The following IL17RA variants were observed in gnomAD, a reference collection of about 807,000 sequenced individuals.
IL17RA encodes interleukin 17 receptor A.
IL17RA carries 34 observed loss-of-function variants against 50.4 expected under a neutral mutation model. The observed-to-expected ratio is 0.67, with a 90% CI of 0.51 to 0.90. IL17RA has a LOEUF of 0.90. Among genes scored for constraint, IL17RA ranks in the 40% least tolerant of loss-of-function variants. The pLI, the probability that IL17RA is intolerant of heterozygous loss-of-function variation, is 0.00. For missense variants in IL17RA, 1,276 were observed against 1,169.8 expected, an observed-to-expected ratio of 1.09 and a Z score of -1.32; for synonymous variants, 585 against 510.4, an observed-to-expected ratio of 1.15 and a Z score of -1.97.
At chr22:17,099,064 G>A (rs149801507) in intron 4 of IL17RA, among the ~76,000 whole-genome samples, 177 bp downstream of exon 4, 38 of 152,268 alleles carry the variant, frequency 2.5e-4, no homozygotes, top group Non-Finnish European at 4.3e-4. Context: ...TGGTGTGGCC[G>A]CCGTGAGCAA....
chr22:17,103,660 G>A (rs2061400054), intron 8 of IL17RA, 83 bp downstream of exon 8: 2 of 1,084,072 alleles, frequency 1.8e-6, no homozygotes, highest in Middle Eastern at 2.0e-4. Context: ...GTGTGCACAG[G>A]TGAAGAGTGG....
Position 17,109,504 on chromosome 22 carries a change from G to T in IL17RA, c.2285G>T (p.Cys762Phe). 1 of 1,602,268 alleles carries T rather than the reference G, an allele frequency of 6.2e-7. No individual in the cohort carries two copies. Among genetic ancestry groups the T allele is most frequent in the Non-Finnish European group, 8.5e-7 (1 of 1,174,058 alleles). Residue 762 changes from cysteine (C) to phenylalanine (F), a missense_variant, in exon 13 of 13, where the codon TGC (cysteine) becomes TTC (phenylalanine). Coordinates refer to ENST00000319363, the MANE Select transcript of IL17RA (RefSeq NM_014339.7). Reference sequence around the variant, plus strand: ...TCGCTCTTCGAGCAGAGTCTGAGCTGCCAGGCCCAGGGGGGCTGCAGTAGA... The same window carrying T: ...TCGCTCTTCGAGCAGAGTCTGAGCTTCCAGGCCCAGGGGGGCTGCAGTAGA... ...MLSLFEQSLS[C>F]QAQGGCSRPA...
intron 10 of IL17RA, 124 bp downstream of exon 10, chr22:17,105,726 G>GGT: frequency 7.2e-7 from 1 of 1,394,984 alleles, no homozygotes; most frequent in Admixed American, 1.7e-5. Flanking sequence ...GGGGTGGGGG[G>GGT]TGAGACCATG....
At chr22:17,097,192 G>A (rs2061371468) in intron 2 of IL17RA, 106 bp downstream of exon 2, 1 of 1,085,878 alleles carries the variant, frequency 9.2e-7, no homozygotes, top group Non-Finnish European at 1.4e-6. Context: ...GGTTCAGGCT[G>A]TGAGCTACAG....
intron 1 of IL17RA, among the ~76,000 whole-genome samples, chr22:17,094,718 T>TATATATATATATATATATATATATATATA (rs1228649948): frequency 8.6e-6 from 1 of 116,276 alleles, no homozygotes; most frequent in African/African-American, 3.4e-5. Flanking sequence ...TATATATATA[T>TATATATATATATATATATATATATATATA]TCAGGGAGAT....
rs1293258734 is a variant in IL17RA, at chr22:17,100,241, G to A, written c.424-114G>A. Reference sequence around the variant, plus strand: ...TGGATTTTGCTGTGGTTGTTGCTTTGTTCTTATTTTTGGCTGAATATTCGG... The same window carrying A: ...TGGATTTTGCTGTGGTTGTTGCTTTATTCTTATTTTTGGCTGAATATTCGG... On this transcript the variant is annotated intron_variant, in intron 4 of 12. Coordinates refer to ENST00000319363, the MANE Select transcript of IL17RA (RefSeq NM_014339.7). 6.9e-6 allele frequency: 9 copies of A among 1,312,484 alleles called. No individual in the cohort carries two copies. In the East Asian group the frequency reaches 1.6e-4, roughly 24 times the overall value. The allele number at this position is 1,312,484 out of a possible 1,614,324, so 81.3% of individuals were successfully genotyped here.
rs1239064857 is a variant in IL17RA, at chr22:17,097,146, G to A, written c.163+60G>A. On this transcript the variant is annotated intron_variant, in intron 2 of 12. Coordinates refer to ENST00000319363, the MANE Select transcript of IL17RA (RefSeq NM_014339.7). ...CTTCTTAATCAAGTGAGAGCCTGCTGCCAACTTCTGACAGAAGTCTTGCCA... is the reference window on the plus strand; with the variant it reads ...CTTCTTAATCAAGTGAGAGCCTGCTACCAACTTCTGACAGAAGTCTTGCCA... The A allele has an allele frequency of 6.6e-6, 10 of 1,506,066 alleles. No homozygotes were observed. In the Admixed American group the frequency reaches 1.5e-4, roughly 23 times the overall value. 93.3% of individuals were successfully genotyped at this position (1,506,066 alleles called of 1,614,324 possible). A position where few individuals can be genotyped will look rare whatever the true frequency, so the allele number is the denominator to read the frequency against.
intron 1 of IL17RA, among the ~76,000 whole-genome samples, chr22:17,095,595 C>CT (rs202040402): frequency 3.2e-4 from 48 of 151,640 alleles, no homozygotes; most frequent in East Asian, 3.9e-4. Flanking sequence ...GAAATAACCG[C>CT]TTTTTTTTTA....
In IL17RA at chr22:17,109,330, C is replaced by T. The variant is rs747597787; in HGVS notation, c.2111C>T (p.Pro704Leu). 9.0e-6 allele frequency: 14 copies of T among 1,556,280 alleles called. No individual in the cohort carries two copies. The African/African-American group carries it at 9.5e-5, about 11-fold the overall frequency. ...CTGGCGGGGGAGGGCGAGGCCTGCCCGCTGCTGGGCAGCCCGGGCGCTGGG... is the reference window on the plus strand; with the variant it reads ...CTGGCGGGGGAGGGCGAGGCCTGCCTGCTGCTGGGCAGCCCGGGCGCTGGG... ...LALAGEGEACPLLGSPGAGRN... is the reference protein window; with the variant it reads ...LALAGEGEACLLLGSPGAGRN... Residue 704 changes from proline (P) to leucine (L), a missense_variant, in exon 13 of 13, where the codon CCG becomes CTG. Coordinates refer to ENST00000319363, the MANE Select transcript of IL17RA (RefSeq NM_014339.7).
chr22:17,114,836 C>T lies in IL17RA; in HGVS notation c.*5016C>T, dbSNP rs1173701231. On this transcript the variant is annotated 3_prime_UTR_variant, in exon 13 of 13. Transcript: ENST00000319363. Reference sequence around the variant, plus strand: ...GGAGGAAGAAGGGCCTTGGTGCACACTGGCTTTTCTTCCTGACTGCAATGT... The same window carrying T: ...GGAGGAAGAAGGGCCTTGGTGCACATTGGCTTTTCTTCCTGACTGCAATGT... 1.3e-5 allele frequency: 2 copies of T among 152,294 alleles called. No individual in the cohort carries two copies. The highest frequency in any genetic ancestry group is 4.8e-5 in the African/African-American group (2 of 41,472). The allele number at this position is 152,294 out of a possible 1,614,324, so 9.4% of individuals were successfully genotyped here.
At chr22:17,088,025 G>A (rs1328596788) in intron 1 of IL17RA, among the ~76,000 whole-genome samples, 1 of 152,192 alleles carries the variant, frequency 6.6e-6, no homozygotes, top group African/African-American at 2.4e-5. Flanking sequence ...GCCAGGCACT[G>A]TGCCGGTGGC....
rs2061450977 is a variant in IL17RA at position 17,113,008 on chromosome 22, T to TTG, written c.*3189_*3190insGT. 6.6e-6 allele frequency: 1 copy of TTG among 151,886 alleles called. No individual in the cohort carries two copies. Among genetic ancestry groups the TTG allele is most frequent in the South Asian group, 2.1e-4 (1 of 4,824 alleles). 9.4% of individuals were successfully genotyped at this position (151,886 alleles called of 1,614,324 possible). A position where few individuals can be genotyped will look rare whatever the true frequency, so the allele number is the denominator to read the frequency against. ...ATCCTAGTTTTTTTTTTGTTTTTTT[T>TTG]TTTTTTAAGGAATAATTACTTTGAT... On this transcript the variant is annotated 3_prime_UTR_variant, in exon 13 of 13. Coordinates refer to ENST00000319363, the MANE Select transcript of IL17RA (RefSeq NM_014339.7).
chr22:17,091,443 G>C (rs1456231627), intron 1 of IL17RA, among the ~76,000 whole-genome samples: 1 of 152,160 alleles, frequency 6.6e-6, no homozygotes, highest in Admixed American at 6.5e-5. Flanking sequence ...TTGGGAGGCC[G>C]AGGCGGGCGG....
Position 17,097,949 on chromosome 22 carries a change from T to TG in IL17RA, c.310+9dup, listed in dbSNP as rs1234273261. ...ATGGACACTGCAGACAGACGGTGAGTGGGCATGCCAGCAGGGCCCTGGGGG... is the reference window on the plus strand; with the variant it reads ...ATGGACACTGCAGACAGACGGTGAGTGGGGCATGCCAGCAGGGCCCTGGGGG... On this transcript the variant is annotated splice_region_variant and intron_variant, in intron 3 of 12. Transcript: ENST00000319363. 6.2e-7 allele frequency: 1 copy of TG among 1,613,772 alleles called. No individual in the cohort carries two copies. Among genetic ancestry groups the TG allele is most frequent in the African/African-American group, 1.3e-5 (1 of 74,912 alleles).
rs576151198 is a variant in IL17RA, at chr22:17,114,153, A to C, written c.*4333A>C. The C allele has an allele frequency of 6.6e-6, 1 of 152,334 alleles. No individual in the cohort carries two copies. Among genetic ancestry groups the C allele is most frequent in the African/African-American group, 2.4e-5 (1 of 41,556 alleles). 9.4% of individuals were successfully genotyped at this position (152,334 alleles called of 1,614,324 possible). A position where few individuals can be genotyped will look rare whatever the true frequency, so the allele number is the denominator to read the frequency against. On this transcript the variant is annotated 3_prime_UTR_variant, in exon 13 of 13. Coordinates refer to ENST00000319363, the MANE Select transcript of IL17RA (RefSeq NM_014339.7). ...TGGGTATATTTTATAGAAGAATATG[A>C]AGAAAAGCAGCTACCCCTAAACCCA...
Position 17,103,563 on chromosome 22 carries a change from C to A in IL17RA, c.832C>A (p.Arg278Ser). The change falls in exon 8 of 13, where the codon CGC (arginine) becomes AGC (serine). Residue 278 changes from arginine (R) to serine (S), a missense_variant. Arg to Ser is a moderately radical substitution (Grantham distance 110). Coordinates refer to ENST00000319363, the MANE Select transcript of IL17RA (RefSeq NM_014339.7). ...LTLRNLKGCCRHQVQIQPFFS... is the reference protein window; with the variant it reads ...LTLRNLKGCCSHQVQIQPFFS... ...TCTACGCAACCTTAAAGGGTGCTGTCGCCACCAAGTGCAGGTGGGTGAGTG... is the reference window on the plus strand; with the variant it reads ...TCTACGCAACCTTAAAGGGTGCTGTAGCCACCAAGTGCAGGTGGGTGAGTG... 6.2e-7 allele frequency: 1 copy of A among 1,612,708 alleles called. No homozygotes were observed. The highest frequency in any genetic ancestry group is 1.1e-5 in the South Asian group (1 of 90,778).
chr22:17,086,140 A>G (rs1483563516), intron 1 of IL17RA, among the ~76,000 whole-genome samples: 1 of 151,928 alleles, frequency 6.6e-6, no homozygotes, highest in Admixed American at 6.5e-5. Flanking sequence ...TCTTAAGGAA[A>G]AAAACAAAAA....
chr22:17,108,116 A>G (rs576978034), intron 12 of IL17RA, among the ~76,000 whole-genome samples, 191 bp from the exon 13 acceptor site: 47 of 152,320 alleles, frequency 3.1e-4, no homozygotes, highest in Admixed American at 1.8e-3. Context: ...AAGGCAGCAG[A>G]CTGATTTTTT....
At chr22:17,089,741 C>T (rs1282747439) in intron 1 of IL17RA, among the ~76,000 whole-genome samples, 4 of 152,036 alleles carry the variant, frequency 2.6e-5, no homozygotes, top group Non-Finnish European at 4.4e-5. Context: ...GGTGTGGTGG[C>T]GCATGTCTCT....
Sources: gnomAD v4.1 joint callset for allele counts (sites outside exome capture counted in the v4.1 genomes callset) on GRCh38, gnomAD v4.1.1 for gene constraint, MANE v1.5 for transcripts, NCBI Gene and HGNC (gene_info 2026-07-23, HGNC 2026-07-21) for gene names.